The following RBFOX1 variants were observed in gnomAD, a reference collection of about 807,000 sequenced individuals.
The protein encoded by RBFOX1 is RNA binding fox-1 homolog 1.
In RBFOX1, 8 loss-of-function variants were observed where a neutral mutation model predicts 57.7. The observed-to-expected ratio is 0.14, with a 90% CI of 0.08 to 0.25. The LOEUF is 0.25. Among genes scored for constraint, RBFOX1 ranks in the 10% least tolerant of loss-of-function variants. The pLI is 1.00. For synonymous variants in RBFOX1, 326 were observed against 222.4 expected, an observed-to-expected ratio of 1.47 and a Z score of -4.15; for missense variants, 611 against 548.5, an observed-to-expected ratio of 1.11 and a Z score of -1.14.
intron 2 of RBFOX1, among the ~76,000 whole-genome samples, chr16:6,536,475 TATC>T (rs990051883): frequency 3.1e-4 from 47 of 152,308 alleles, no homozygotes; most frequent in African/African-American, 1.1e-3. Context: ...ATAAATTCCG[TATC>T]ATCAGAGTAA....
chr16:7,090,989 G>C (rs1322933748), intron 4 of RBFOX1, among the ~76,000 whole-genome samples: 1 of 152,178 alleles, frequency 6.6e-6, no homozygotes, highest in African/African-American at 2.4e-5. Context: ...CCTAGGGCTG[G>C]AAAGTAGGCA....
At chr16:7,557,636 A>G (rs1012743413) in intron 5 of RBFOX1, among the ~76,000 whole-genome samples, 14 of 128,198 alleles carry the variant, frequency 1.1e-4, no homozygotes, top group African/African-American at 3.3e-4. Context: ...AAAAAAAAAA[A>G]AAAAAAGAAA....
At chr16:6,961,882 C>G (rs1246224688) in intron 3 of RBFOX1, among the ~76,000 whole-genome samples, 1 of 152,130 alleles carries the variant, frequency 6.6e-6, no homozygotes, top group Non-Finnish European at 1.5e-5. Context: ...TGGGTTTTAG[C>G]TGGCTTCTTC....
At chr16:6,489,654 C>G (rs1019492690) in intron 2 of RBFOX1, among the ~76,000 whole-genome samples, 2 of 152,142 alleles carry the variant, frequency 1.3e-5, no homozygotes, top group East Asian at 1.9e-4. Context: ...CGTTTTTAGT[C>G]TCATTTTGGA....
At chr16:6,920,585 G>A (rs1413325177) in intron 3 of RBFOX1, among the ~76,000 whole-genome samples, 2 of 152,168 alleles carry the variant, frequency 1.3e-5, no homozygotes, top group South Asian at 4.1e-4. Context: ...TACTGTTTGG[G>A]GAATTAGAAG....
intron 4 of RBFOX1, among the ~76,000 whole-genome samples, chr16:6,005,019 C>G (rs1314459012): frequency 6.6e-6 from 1 of 151,174 alleles, no homozygotes; most frequent in Non-Finnish European, 1.5e-5. Flanking sequence ...CAAAACAAAA[C>G]TTGGGGGAAC....
In RBFOX1 at chr16:6,677,528, C is replaced by A. The variant is rs1332412945; in HGVS notation, c.-16+22878C>A. Among the ~76,000 whole-genome samples the A allele has an allele frequency of 2.6e-5, 4 of 152,220 alleles. No homozygotes were observed. In the South Asian group the frequency reaches 8.3e-4, roughly 32 times the overall value. On this transcript the variant is annotated intron_variant, in intron 3 of 15. Transcript: ENST00000550418. Reference sequence around the variant, plus strand: ...ATTAAGAATTCCATATCAAAAACATCAGGGAGCTAGGATTAAATAAAAATT... The same window carrying A: ...ATTAAGAATTCCATATCAAAAACATAAGGGAGCTAGGATTAAATAAAAATT...
chr16:6,915,107 C>T (rs982116771), intron 3 of RBFOX1, among the ~76,000 whole-genome samples: 12 of 152,294 alleles, frequency 7.9e-5, no homozygotes, highest in Middle Eastern at 3.4e-3. Flanking sequence ...AACTGGCCTG[C>T]GGTCCTCCAG....
intron 2 of RBFOX1, among the ~76,000 whole-genome samples, chr16:6,499,236 T>C (rs772472842): frequency 6.6e-6 from 1 of 152,138 alleles, no homozygotes; most frequent in Non-Finnish European, 1.5e-5. Flanking sequence ...TTCAAAATGA[T>C]ATGGTGATGC....
intron 1 of RBFOX1, among the ~76,000 whole-genome samples, chr16:5,431,536 G>A (rs1025182190): frequency 1.3e-5 from 2 of 151,912 alleles, no homozygotes; most frequent in Admixed American, 6.6e-5. Context: ...CACCATGCCC[G>A]GCTAGTTGTT....
intron 3 of RBFOX1, 137 bp from the exon 4 acceptor site, chr16:7,051,920 A>C: frequency 1.5e-6 from 2 of 1,359,886 alleles, no homozygotes; most frequent in Non-Finnish European, 2.0e-6. Context: ...TGTAGACCTA[A>C]AGAAAAATTA....
At chr16:7,377,941 G>C (rs2097714234) in intron 4 of RBFOX1, among the ~76,000 whole-genome samples, 1 of 151,764 alleles carries the variant, frequency 6.6e-6, no homozygotes, top group South Asian at 2.1e-4. Flanking sequence ...GTTTTAGCTG[G>C]GACAGGAAAG....
chr16:7,665,621 C>T (rs1409250151), intron 13 of RBFOX1, among the ~76,000 whole-genome samples: 4 of 152,054 alleles, frequency 2.6e-5, no homozygotes, highest in Non-Finnish European at 4.4e-5. Flanking sequence ...ATTATGAGAA[C>T]AAGAATTTAA....
chr16:7,389,587 A>G (rs535487744), intron 4 of RBFOX1, among the ~76,000 whole-genome samples: 2 of 152,210 alleles, frequency 1.3e-5, no homozygotes, highest in Admixed American at 6.5e-5. Context: ...GCCAAATCCT[A>G]TGGTAAGGCA....
intron 5 of RBFOX1, among the ~76,000 whole-genome samples, chr16:7,547,699 T>C (rs2084989614): frequency 6.6e-6 from 1 of 152,246 alleles, no homozygotes; most frequent in Non-Finnish European, 1.5e-5. Context: ...TTTTCGTGTT[T>C]TTAAGTTTGC....
chr16:6,468,837 A>G (rs2095109853), intron 2 of RBFOX1, among the ~76,000 whole-genome samples: 1 of 152,052 alleles, frequency 6.6e-6, no homozygotes, highest in African/African-American at 2.4e-5. Context: ...TTTGTAACAT[A>G]GGTAAACTTG....
chr16:7,017,119 C>A (rs776760099), intron 3 of RBFOX1, among the ~76,000 whole-genome samples: 34 of 152,146 alleles, frequency 2.2e-4, no homozygotes, highest in Non-Finnish European at 4.4e-4. Flanking sequence ...CAACCCTGTT[C>A]TCTCTAAATA....
chr16:5,390,652 C>G (rs1213689747), intron 1 of RBFOX1, among the ~76,000 whole-genome samples: 1 of 152,154 alleles, frequency 6.6e-6, no homozygotes, highest in Non-Finnish European at 1.5e-5. Context: ...CCAGGCGAAT[C>G]TCCCTCATCT....
At position 7,464,688 on chromosome 16, in the gene RBFOX1, C is replaced by CTTTTTTTTTT. The variant is rs57553411; in HGVS notation, c.28-53442_28-53433dup. On this transcript the variant is annotated intron_variant, in intron 4 of 15. Transcript: ENST00000550418. ...CCGAAATACTTCTTGTATTGTCTGT[C>CTTTTTTTTTT]TTTTTTTTTTTTTTTTTTTTTTTTT... Among the ~76,000 whole-genome samples, 28 of 62,270 alleles carry CTTTTTTTTTT rather than the reference C, an allele frequency of 4.5e-4. 3 individuals are homozygous for CTTTTTTTTTT. Among genetic ancestry groups the CTTTTTTTTTT allele is most frequent in the African/African-American group, 1.9e-3 (27 of 14,472 alleles). The allele number at this position is 62,270 out of a possible 152,430, so 40.9% of individuals were successfully genotyped here. A position where few individuals can be genotyped will look rare whatever the true frequency, so the allele number is the denominator to read the frequency against.
Sources: allele counts gnomAD v4.1 joint callset (sites outside exome capture counted in the v4.1 genomes callset), GRCh38; gene constraint gnomAD v4.1.1; transcripts MANE v1.5; gene names NCBI Gene and HGNC (gene_info 2026-07-23, HGNC 2026-07-21).